NRXN1: variants seen among roughly 807,000 people sequenced by gnomAD.
NRXN1 encodes neurexin 1, also known as neurexin-1.
A neutral mutation model predicts 150.9 loss-of-function variants in NRXN1; 39 were observed. The ratio of observed to expected loss-of-function variants is 0.26; its 90% confidence interval spans 0.20 to 0.34. The LOEUF is 0.34. Among genes scored for constraint, NRXN1 ranks in the 10% least tolerant of loss-of-function variants. NRXN1 has a pLI of 1.00. For missense variants in NRXN1, 1,815 were observed against 1,949.9 expected (o/e 0.93, Z 1.30); for synonymous variants, 924 against 757.0 (o/e 1.22, Z -3.62).
intron 18 of NRXN1, among the ~76,000 whole-genome samples, chr2:50,148,421 C>T (rs1205439740): frequency 6.6e-6 from 1 of 151,552 alleles, no homozygotes; most frequent in Non-Finnish European, 1.5e-5. Context: ...ACAATATTAG[C>T]TTGTCTTAAT....
chr2:50,987,455 G>C (rs1697900469), intron 2 of NRXN1, among the ~76,000 whole-genome samples: 1 of 151,758 alleles, frequency 6.6e-6, no homozygotes, highest in South Asian at 2.1e-4. Context: ...GGAATTTGTG[G>C]TGACATATTT....
chr2:50,278,866 G>A (rs1172761995), intron 17 of NRXN1, among the ~76,000 whole-genome samples: 1 of 151,924 alleles, frequency 6.6e-6, no homozygotes, highest in Admixed American at 6.6e-5. Context: ...ATGTGTCACT[G>A]GCCTGACAAA....
chr2:50,903,958 T>A (rs1469767197), intron 5 of NRXN1, among the ~76,000 whole-genome samples: 2 of 152,122 alleles, frequency 1.3e-5, no homozygotes. Flanking sequence ...AAGAGACCCT[T>A]CCTTTATAGA....
intron 5 of NRXN1, among the ~76,000 whole-genome samples, chr2:50,722,406 G>T (rs987810295): frequency 6.6e-6 from 1 of 151,960 alleles, no homozygotes; most frequent in Non-Finnish European, 1.5e-5. Context: ...ATAAAATATT[G>T]GTCAGGTTAA....
At chr2:50,894,200 T>A (rs941619005) in intron 5 of NRXN1, among the ~76,000 whole-genome samples, 1 of 151,114 alleles carries the variant, frequency 6.6e-6, no homozygotes, top group Non-Finnish European at 1.5e-5. Context: ...GTAACTAACC[T>A]GCACATTGTG....
chr2:50,944,020 A>G (rs151198418), intron 2 of NRXN1, among the ~76,000 whole-genome samples: 1 of 152,292 alleles, frequency 6.6e-6, no homozygotes, highest in Non-Finnish European at 1.5e-5. Context: ...TAAAATCAAA[A>G]TTGGCTTCAG....
chr2:50,828,454 G>C (rs1003783905), intron 5 of NRXN1, among the ~76,000 whole-genome samples: 34 of 150,044 alleles, frequency 2.3e-4, no homozygotes, highest in Middle Eastern at 3.7e-3. Context: ...CGGGCGGAGG[G>C]GCTCCTCACT....
At chr2:49,988,765 A>G (rs920375556) in intron 21 of NRXN1, among the ~76,000 whole-genome samples, 2 of 152,210 alleles carry the variant, frequency 1.3e-5, no homozygotes, top group African/African-American at 2.4e-5. Context: ...TGTAAAGGAT[A>G]TATGTCTGAA....
rs947102418 is a variant in NRXN1, at chr2:51,028,269, C to T, written c.5G>A (p.Gly2Glu). The change falls in exon 2 of 23, where the codon GGG becomes GAG. Residue 2 changes from glycine to glutamate, a missense_variant. Gly to Glu is a moderately conservative substitution (Grantham distance 98). This residue lies in a region of NRXN1 where 554 missense variants were observed against 478.8 expected (regional missense o/e 1.16). Transcript: ENST00000401669. Reference protein sequence around the residue: MGTALLQRGGCF... With the variant: METALLQRGGCF... ...GCCCCCGCGCTGGAGCAGCGCCGTC[C>T]CCATGCTCGGGGCTGGGGTGCGGCG... 3 of 1,444,952 alleles carry T rather than the reference C, an allele frequency of 2.1e-6. No individual in the cohort carries two copies. Among genetic ancestry groups the T allele is most frequent in the East Asian group, 2.5e-5 (1 of 40,588 alleles). The allele number at this position is 1,444,952 out of a possible 1,614,324, so 89.5% of individuals were successfully genotyped here. A position where few individuals can be genotyped will look rare whatever the true frequency, so the allele number is the denominator to read the frequency against.
chr2:50,642,727 T>A (rs560925970), intron 5 of NRXN1, among the ~76,000 whole-genome samples: 1 of 152,156 alleles, frequency 6.6e-6, no homozygotes, highest in South Asian at 2.1e-4. Flanking sequence ...GGTAATAGTT[T>A]CAATGTAAAA....
intron 15 of NRXN1, among the ~76,000 whole-genome samples, chr2:50,474,213 T>A (rs988274171): frequency 1.2e-4 from 18 of 151,934 alleles, no homozygotes; most frequent in Admixed American, 5.9e-4. Context: ...CAGGCCATTG[T>A]GTTTTAGTTG....
At chr2:50,044,880 T>C (rs1299602257) in intron 21 of NRXN1, among the ~76,000 whole-genome samples, 1 of 152,204 alleles carries the variant, frequency 6.6e-6, no homozygotes, top group South Asian at 2.1e-4. Context: ...AGGCAACATA[T>C]AGCATGGTAA....
chr2:50,352,782 A>T (rs112953962), intron 17 of NRXN1, among the ~76,000 whole-genome samples: 257 of 144,190 alleles, frequency 1.8e-3, no homozygotes, highest in African/African-American at 5.9e-3. Flanking sequence ...ATAATATTAT[A>T]ATAATAATAA....
At chr2:50,528,715 C>T in intron 11 of NRXN1, 64 bp from the exon 12 acceptor site, 2 of 1,039,258 alleles carry the variant, frequency 1.9e-6, no homozygotes, top group Admixed American at 2.2e-5. Flanking sequence ...TGCAGACATC[C>T]AATAAAATTA....
intron 17 of NRXN1, among the ~76,000 whole-genome samples, chr2:50,327,717 T>G (rs977880952): frequency 3.3e-5 from 5 of 151,406 alleles, no homozygotes; most frequent in Admixed American, 6.6e-5. Context: ...TGGAAAAATC[T>G]CAGCTCACTG....
chr2:50,762,526 G>A (rs138471933), intron 5 of NRXN1, among the ~76,000 whole-genome samples: 26 of 151,728 alleles, frequency 1.7e-4, no homozygotes, highest in African/African-American at 5.6e-4. Context: ...TGTGTCTACC[G>A]TTGTCATCTT....
At chr2:50,082,448 GGCT>G (rs1698111605) in intron 19 of NRXN1, among the ~76,000 whole-genome samples, 1 of 152,032 alleles carries the variant, frequency 6.6e-6, no homozygotes, top group African/African-American at 2.4e-5. Context: ...TTTTATGAAG[GGCT>G]GCTATTTGTA....
Position 50,165,017 on chromosome 2 carries a change from G to A in NRXN1, c.3546+71772C>T, listed in dbSNP as rs550200180. 1.3e-3 allele frequency among the ~76,000 whole-genome samples: 196 copies of A among 152,174 alleles called. 2 individuals are homozygous for A. The highest frequency in any genetic ancestry group is 4.4e-3 in the African/African-American group (184 of 41,496). ...ACTCCTCACCTGGAGGTTTCTGAAA[G>A]CAAGAGACTCTCCAAACAATCTATC... On this transcript the variant is annotated intron_variant, in intron 18 of 22. Transcript: ENST00000401669.
intron 17 of NRXN1, among the ~76,000 whole-genome samples, chr2:50,278,451 C>T (rs2070960077): frequency 6.7e-6 from 1 of 149,728 alleles, no homozygotes; most frequent in Non-Finnish European, 1.5e-5. Flanking sequence ...TGTGCCTGGC[C>T]ATTGATCATA....
Sources: gnomAD v4.1 joint callset for allele counts (sites outside exome capture counted in the v4.1 genomes callset) on GRCh38, gnomAD v4.1.1 for gene constraint, gnomAD v4.1.1 regional missense constraint, MANE v1.5 for transcripts, NCBI Gene and HGNC (gene_info 2026-07-23, HGNC 2026-07-21) for gene names.